The following RPSA2 variants were observed in gnomAD, a reference collection of about 807,000 sequenced individuals.
The protein encoded by RPSA2 is small ribosomal subunit protein uS2B.
the RPSA2 span, among the ~76,000 whole-genome samples, chr19:23,795,964 C>T: frequency 6.6e-6 from 1 of 152,036 alleles, no homozygotes; most frequent in Non-Finnish European, 1.5e-5. Flanking sequence ...GGGATTTTGC[C>T]ATGTCAGCCA....
chr19:23,820,190 G>A, the RPSA2 span, among the ~76,000 whole-genome samples: 1 of 152,186 alleles, frequency 6.6e-6, no homozygotes. Flanking sequence ...GTATTAGGTT[G>A]TTCTGGGCAC....
chr19:23,844,580 A>T, the RPSA2 span, among the ~76,000 whole-genome samples: 1 of 152,106 alleles, frequency 6.6e-6, no homozygotes. Context: ...TTCCAAATAT[A>T]AGTTTCATGT....
the RPSA2 span, among the ~76,000 whole-genome samples, chr19:23,866,835 C>T: frequency 6.6e-6 from 1 of 152,132 alleles, no homozygotes; most frequent in Admixed American, 6.5e-5. Flanking sequence ...TTCCCACTGG[C>T]ATTTGGGGAC....
At chr19:23,853,751 T>A in the RPSA2 span, among the ~76,000 whole-genome samples, 1 of 152,142 alleles carries the variant, frequency 6.6e-6, no homozygotes, top group East Asian at 1.9e-4. Context: ...ACCCCAAAGA[T>A]TAATGGGGAT....
At chr19:23,804,719 A>T in the RPSA2 span, among the ~76,000 whole-genome samples, 1 of 152,202 alleles carries the variant, frequency 6.6e-6, no homozygotes, top group Admixed American at 6.5e-5. Context: ...CGTATTACAT[A>T]GAGTGGGGCC....
the RPSA2 span, among the ~76,000 whole-genome samples, chr19:23,813,900 T>C: frequency 3.3e-5 from 5 of 151,912 alleles, no homozygotes; most frequent in Non-Finnish European, 7.4e-5. Context: ...TTTTTGTATT[T>C]TTAGTAGAGA....
chr19:23,798,788 C>G, the RPSA2 span: 1 of 152,124 alleles, frequency 6.6e-6, no homozygotes, highest in Non-Finnish European at 1.5e-5. Flanking sequence ...TTTCATTTCA[C>G]AAATTGGAAT....
the RPSA2 span, among the ~76,000 whole-genome samples, chr19:23,782,677 C>T: frequency 2.6e-5 from 4 of 152,152 alleles, no homozygotes; most frequent in Admixed American, 2.6e-4. Flanking sequence ...GATAATGTGA[C>T]TCTTTTCTTC....
chr19:23,863,257 A>G, the RPSA2 span, among the ~76,000 whole-genome samples: 12 of 152,162 alleles, frequency 7.9e-5, no homozygotes, highest in African/African-American at 2.7e-4. Context: ...TAAACTTAGA[A>G]GAGTATTTAA....
chr19:23,780,369 C>T, the RPSA2 span, among the ~76,000 whole-genome samples: 2 of 152,136 alleles, frequency 1.3e-5, no homozygotes, highest in African/African-American at 4.8e-5. Context: ...ATCGGCCGGG[C>T]GCGGTGGCTC....
the RPSA2 span, among the ~76,000 whole-genome samples, chr19:23,800,954 C>T: frequency 6.6e-6 from 1 of 152,166 alleles, no homozygotes; most frequent in Non-Finnish European, 1.5e-5. Flanking sequence ...AACCATTTTA[C>T]TTCTTTCAAT....
the RPSA2 span, among the ~76,000 whole-genome samples, chr19:23,781,916 T>C: frequency 6.6e-6 from 1 of 152,348 alleles, no homozygotes; most frequent in East Asian, 1.9e-4. Flanking sequence ...AATGTGATTC[T>C]ATTCTGCCTT....
the RPSA2 span, among the ~76,000 whole-genome samples, chr19:23,779,380 G>C: frequency 3.3e-5 from 5 of 152,150 alleles, 1 homozygote; most frequent in Admixed American, 3.3e-4. Context: ...GTATTGTGAT[G>C]TATCACTGGG....
the RPSA2 span, among the ~76,000 whole-genome samples, chr19:23,846,717 G>A: frequency 6.6e-6 from 1 of 152,172 alleles, no homozygotes; most frequent in African/African-American, 2.4e-5. Flanking sequence ...AGTTTCTGCT[G>A]AGAAGTCTGC....
At chr19:23,830,051 G>GTTTTT in the RPSA2 span, among the ~76,000 whole-genome samples, 2 of 148,270 alleles carry the variant, frequency 1.3e-5, no homozygotes, top group Non-Finnish European at 1.5e-5. Flanking sequence ...ACTTTGGAAG[G>GTTTTT]TTTTTTTTTT....
chr19:23,854,900 G>A, the RPSA2 span, among the ~76,000 whole-genome samples: 2 of 152,124 alleles, frequency 1.3e-5, no homozygotes, highest in African/African-American at 4.8e-5. Context: ...TCGTTGGATG[G>A]AACGAATGGC....
At chr19:23,836,423 G>A in the RPSA2 span, among the ~76,000 whole-genome samples, 1 of 152,074 alleles carries the variant, frequency 6.6e-6, no homozygotes, top group Non-Finnish European at 1.5e-5. Flanking sequence ...GTTGATTGAT[G>A]GGCATTTTGG....
chr19:23,836,139 C>T, the RPSA2 span, among the ~76,000 whole-genome samples: 2 of 151,966 alleles, frequency 1.3e-5, no homozygotes, highest in Non-Finnish European at 2.9e-5. Context: ...GTCTTTTATT[C>T]CTCTCCCTTC....
chr19:23,860,242 G>A, the RPSA2 span, among the ~76,000 whole-genome samples: 565 of 152,024 alleles, frequency 3.7e-3, 4 homozygotes, highest in African/African-American at 0.013. Context: ...ATCTCTTATT[G>A]TCTCATCTCC....
Sources: allele counts gnomAD v4.1 joint callset (sites outside exome capture counted in the v4.1 genomes callset), GRCh38; gene constraint gnomAD v4.1.1; transcripts MANE v1.5; gene names NCBI Gene and HGNC (gene_info 2026-07-23, HGNC 2026-07-21).